The following MED14 variants were observed in gnomAD, a reference collection of about 807,000 sequenced individuals.
MED14 encodes the protein mediator complex subunit 14.
MED14 carries 8 observed loss-of-function variants against 109.0 expected under a neutral mutation model. The ratio of observed to expected loss-of-function variants is 0.07; its 90% CI spans 0.04 to 0.13. MED14 has a LOEUF of 0.13. Ranked by LOEUF, MED14 falls within the 10% of genes least tolerant of loss-of-function variation. MED14 has a pLI of 1.00. For missense variants in MED14, 711 were observed against 1,142.4 expected (o/e 0.62, Z 5.44); for synonymous variants, 399 against 408.7 (o/e 0.98, Z 0.29).
chrX:40,692,652 A>T, intron 14 of MED14, 56 bp downstream of exon 14: 1 of 1,096,763 alleles, frequency 9.1e-7, no homozygotes. Context: ...ATGAGTAAAG[A>T]ACACAACCAA....
chrX:40,674,143 T>C (rs1602455011), intron 22 of MED14, among the ~76,000 whole-genome samples: 1 of 111,431 alleles, frequency 9.0e-6, no homozygotes, highest in Middle Eastern at 4.7e-3. Context: ...CCCAGCATCT[T>C]CAAAGGGCTA....
intron 28 of MED14, among the ~76,000 whole-genome samples, chrX:40,658,613 G>A (rs959106493): frequency 4.7e-5 from 5 of 105,733 alleles, no homozygotes; most frequent in African/African-American, 1.7e-4. Flanking sequence ...CACTTTGGGA[G>A]GCCAAGGTGG....
rs1485553286 is a variant in MED14 at position 40,671,938 on chromosome X, T to C, written c.3056A>G (p.Tyr1019Cys). 3 of 1,204,762 alleles carry C rather than the reference T, an allele frequency of 2.5e-6. No individual in the cohort carries two copies. In the South Asian group the frequency reaches 5.4e-5, roughly 22 times the overall value. ...AGATGTAGGGGGTGAAGTAAGAGGA[T>C]AAGCACCTGATGTTCCTGGCTGCTT... ...FPKQPGTSGA[Y>C]PLTSPPTSYH... is the part of the protein sequence containing the mutation. The change falls in exon 23 of 31, where the codon TAT (tyrosine) becomes TGT (cysteine). Residue 1019 changes from tyrosine (Y) to cysteine (C), a missense_variant. Physicochemically the swap from Tyr to Cys is radical, Grantham distance 194. Transcript: ENST00000324817.
chrX:40,666,002 T>C (rs776998220), intron 24 of MED14, among the ~76,000 whole-genome samples: 1 of 112,175 alleles, frequency 8.9e-6, no homozygotes, highest in Admixed American at 9.4e-5. Context: ...CCCACAAATA[T>C]TAATAGTAAA....
intron 16 of MED14, among the ~76,000 whole-genome samples, chrX:40,683,403 A>G (rs143011126): frequency 8.9e-6 from 1 of 112,294 alleles, no homozygotes; most frequent in East Asian, 2.8e-4. Context: ...TCAGAGACCC[A>G]CATTCTAACT....
intron 13 of MED14, among the ~76,000 whole-genome samples, chrX:40,695,711 T>C (rs183233347): frequency 8.8e-4 from 98 of 111,998 alleles, no homozygotes; most frequent in Non-Finnish European, 5.8e-4. Context: ...ACTGAAACAA[T>C]AGTCTTTTGT....
At chrX:40,658,982 G>C (rs1439581656) in intron 28 of MED14, among the ~76,000 whole-genome samples, 1 of 111,870 alleles carries the variant, frequency 8.9e-6, no homozygotes, top group Non-Finnish European at 1.9e-5. Context: ...GGGATAGAGG[G>C]GACAGGGATA....
chrX:40,735,716 A>C, upstream of MED14: 1 of 443,623 alleles, frequency 2.3e-6, no homozygotes, highest in Non-Finnish European at 4.1e-6. Flanking sequence ...GACAGCCGCA[A>C]CGTACATGTT....
At position 40,722,098 on chromosome X, in the gene MED14, A is replaced by C. The variant is rs182442760; in HGVS notation, c.348+4648T>G. ...AGATCATCCAGGAAAACAGGACCTCACCAAACGAACAAAAGAAGGTACCAG... is the reference window on the plus strand; with the variant it reads ...AGATCATCCAGGAAAACAGGACCTCCCCAAACGAACAAAAGAAGGTACCAG... On this transcript the variant is annotated intron_variant, in intron 3 of 30. Coordinates refer to ENST00000324817, the MANE Select transcript of MED14 (RefSeq NM_004229.4). Among the ~76,000 whole-genome samples, 355 of 111,823 alleles carry C rather than the reference A, an allele frequency of 3.2e-3. 2 individuals carry two copies. The highest frequency in any genetic ancestry group is 5.2e-3 in the Non-Finnish European group (275 of 53,162).
chrX:40,702,668 C>G (rs1167446420), intron 11 of MED14, among the ~76,000 whole-genome samples: 3 of 111,589 alleles, frequency 2.7e-5, no homozygotes, highest in Non-Finnish European at 3.8e-5. Flanking sequence ...TTTTTAAGAA[C>G]AAACAACATT....
At chrX:40,711,023 G>T in intron 8 of MED14, 146 bp downstream of exon 8, 1 of 617,842 alleles carries the variant, frequency 1.6e-6, no homozygotes, top group Non-Finnish European at 2.4e-6. Context: ...CTTGCAAATT[G>T]ATCTGCATAT....
intron 10 of MED14, among the ~76,000 whole-genome samples, chrX:40,705,680 A>G (rs1304046405): frequency 1.8e-5 from 2 of 111,971 alleles, no homozygotes; most frequent in African/African-American, 3.3e-5. Flanking sequence ...TCTATCATTT[A>G]TTGAGAACAA....
intron 26 of MED14, 103 bp downstream of exon 26, chrX:40,662,822 G>T: frequency 1.8e-6 from 1 of 558,102 alleles, no homozygotes; most frequent in Non-Finnish European, 2.9e-6. Context: ...GTTAAAGGAG[G>T]GAAGGTGAAG....
chrX:40,715,304 C>T, intron 3 of MED14, among the ~76,000 whole-genome samples: 1 of 111,750 alleles, frequency 8.9e-6, no homozygotes, highest in Admixed American at 9.5e-5. Flanking sequence ...CAAGAACATA[C>T]ACTGGGGAAA....
At chrX:40,686,295 T>C (rs1399457846) in intron 16 of MED14, among the ~76,000 whole-genome samples, 3 of 111,818 alleles carry the variant, frequency 2.7e-5, no homozygotes, top group Non-Finnish European at 3.8e-5. Context: ...GAAATTTCTC[T>C]TGTAAAAATG....
At chrX:40,658,691 A>C (rs1602442732) in intron 28 of MED14, among the ~76,000 whole-genome samples, 1 of 9,424 alleles carries the variant, frequency 1.1e-4, no homozygotes, top group Admixed American at 1.1e-3. Flanking sequence ...TCTCTACCAA[A>C]AAAAAAAAAA....
At chrX:40,659,155 A>G in intron 28 of MED14, 72 bp downstream of exon 28, 1 of 671,789 alleles carries the variant, frequency 1.5e-6, no homozygotes, top group South Asian at 3.9e-5. Context: ...GTGAAAACCA[A>G]TAAACACTGC....
chrX:40,676,636 C>T (rs1269655748), intron 21 of MED14, among the ~76,000 whole-genome samples: 2 of 111,788 alleles, frequency 1.8e-5, no homozygotes, highest in Non-Finnish European at 3.8e-5. Context: ...GAATTGTAAT[C>T]GAATTGTAAT....
chrX:40,730,086 T>G (rs1459365425), intron 1 of MED14, among the ~76,000 whole-genome samples: 2 of 111,962 alleles, frequency 1.8e-5, no homozygotes, highest in Middle Eastern at 4.2e-3. Flanking sequence ...ACAACTCTCA[T>G]GCCTCTCCCA....
Sources: gnomAD v4.1 joint callset for allele counts (sites outside exome capture counted in the v4.1 genomes callset) on GRCh38, gnomAD v4.1.1 for gene constraint, MANE v1.5 for transcripts, NCBI Gene and HGNC (gene_info 2026-07-23, HGNC 2026-07-21) for gene names.